Variants in SHANK2 observed in about 807,000 individuals in gnomAD.
SHANK2 encodes the protein SH3 and multiple ankyrin repeat domains protein 2.
In SHANK2, 43 loss-of-function variants were observed where a neutral mutation model predicts 133.7. That is an observed-to-expected ratio of 0.32 (90% confidence interval 0.25 to 0.41). SHANK2 has a LOEUF of 0.41. Ranked by LOEUF, SHANK2 falls within the 10% of genes least tolerant of loss-of-function variation. The pLI is 1.00. For synonymous variants in SHANK2, 1,017 were observed against 952.8 expected, an observed-to-expected ratio of 1.07 and a Z score of -1.24; for missense variants, 1,994 against 2,235.8, an observed-to-expected ratio of 0.89 and a Z score of 2.18.
chr11:70,509,196 A>G (rs1554968890), intron 17 of SHANK2, among the ~76,000 whole-genome samples: 1 of 152,104 alleles, frequency 6.6e-6, no homozygotes, highest in African/African-American at 2.4e-5. Flanking sequence ...CACCCTGAGG[A>G]CTGTTCTATT....
rs1033104893 is a variant in SHANK2 at position 70,821,055 on chromosome 11, G to A, written c.1175-373C>T. Among the ~76,000 whole-genome samples, 5 of 152,146 alleles carry A rather than the reference G, an allele frequency of 3.3e-5. No individual in the cohort carries two copies. In the East Asian group the frequency reaches 7.7e-4, roughly 24 times the overall value. On this transcript the variant is annotated intron_variant, in intron 11 of 25. Transcript: ENST00000601538. ...CAGAGAGGGCACTGAGCTGCCTGCCGCAAGATGCCTCCTCCCCACAACCTA... is the reference window on the plus strand; with the variant it reads ...CAGAGAGGGCACTGAGCTGCCTGCCACAAGATGCCTCCTCCCCACAACCTA...
chr11:70,846,727 C>T (rs541434777), intron 11 of SHANK2, among the ~76,000 whole-genome samples: 20 of 152,288 alleles, frequency 1.3e-4, no homozygotes, highest in Admixed American at 3.3e-4. Context: ...CACCTGCTCC[C>T]GGCCACACAG....
At chr11:71,130,032 G>T (rs559632029) in intron 3 of SHANK2, among the ~76,000 whole-genome samples, 1 of 152,248 alleles carries the variant, frequency 6.6e-6, no homozygotes, top group South Asian at 2.1e-4. Flanking sequence ...GTGTGTCTGC[G>T]TCCTCACCTC....
At chr11:70,844,719 C>T (rs1186617921) in intron 11 of SHANK2, among the ~76,000 whole-genome samples, 7 of 152,192 alleles carry the variant, frequency 4.6e-5, no homozygotes, top group Admixed American at 2.0e-4. Context: ...ATCAATAACA[C>T]GGCGGAGAAC....
intron 2 of SHANK2, among the ~76,000 whole-genome samples, chr11:71,192,210 C>A (rs1433610045): frequency 6.6e-6 from 1 of 152,170 alleles, no homozygotes; most frequent in African/African-American, 2.4e-5. Context: ...TAGGGTCCAT[C>A]CATATGACCC....
Position 70,716,854 on chromosome 11 carries a change from C to T in SHANK2, c.1778-18091G>A, listed in dbSNP as rs571646323. On this transcript the variant is annotated intron_variant, in intron 14 of 25. Transcript: ENST00000601538. ...AGCAACATCTGGGAGGGATGCTCCT[C>T]GGTGGCAGGCGCCTCACATCTCACT... Among the ~76,000 whole-genome samples, 16 of 151,936 alleles carry T rather than the reference C, an allele frequency of 1.1e-4. No individual in the cohort carries two copies. The South Asian group carries it at 2.9e-3, about 28-fold the overall frequency.
chr11:70,596,350 C>T (rs2060400225), intron 17 of SHANK2, among the ~76,000 whole-genome samples: 1 of 152,208 alleles, frequency 6.6e-6, no homozygotes, highest in South Asian at 2.1e-4. Flanking sequence ...GGCACCAGTT[C>T]CGGAAGGAGC....
chr11:70,907,713 A>C (rs928025700), intron 10 of SHANK2: 2 of 270,780 alleles, frequency 7.4e-6, no homozygotes, highest in Non-Finnish European at 1.5e-5. Context: ...AGCAGGGGAA[A>C]TCTACATAAT....
intron 6 of SHANK2, among the ~76,000 whole-genome samples, chr11:71,095,556 A>C (rs1259959654): frequency 4.6e-5 from 7 of 152,152 alleles, no homozygotes; most frequent in Non-Finnish European, 8.8e-5. Context: ...CCAACAATGA[A>C]TATTCACTCG....
At chr11:71,070,585 T>C (rs1423141667) in intron 9 of SHANK2, among the ~76,000 whole-genome samples, 1 of 151,234 alleles carries the variant, frequency 6.6e-6, no homozygotes, top group Non-Finnish European at 1.5e-5. Context: ...GGGGGATCCA[T>C]CAATAAGACA....
At chr11:70,856,382 A>G (rs1555066815) in intron 11 of SHANK2, among the ~76,000 whole-genome samples, 1 of 151,996 alleles carries the variant, frequency 6.6e-6, no homozygotes, top group Non-Finnish European at 1.5e-5. Context: ...AATTGACTGG[A>G]GGAAGGAATA....
chr11:71,217,781 T>C (rs555850339), intron 2 of SHANK2, among the ~76,000 whole-genome samples: 5 of 152,354 alleles, frequency 3.3e-5, no homozygotes, highest in South Asian at 2.1e-4. Context: ...TAAGGATATA[T>C]GGAAACAAAA....
At chr11:71,166,480 TTCTTTTC>T (rs1555110875) in intron 2 of SHANK2, among the ~76,000 whole-genome samples, 1 of 148,464 alleles carries the variant, frequency 6.7e-6, no homozygotes, top group East Asian at 1.9e-4. Context: ...CGTCTTTTTT[TTCTTTTC>T]TTTTTTTTTT....
chr11:70,823,027 C>CAG (rs202217119), intron 11 of SHANK2, among the ~76,000 whole-genome samples: 6 of 94,000 alleles, frequency 6.4e-5, no homozygotes, highest in Admixed American at 1.2e-4. Context: ...TCATGGGGGA[C>CAG]AGGTGGCGTT....
chr11:70,855,322 C>T (rs182556441), intron 11 of SHANK2, among the ~76,000 whole-genome samples: 3 of 152,338 alleles, frequency 2.0e-5, no homozygotes, highest in East Asian at 3.9e-4. Context: ...GGAAGCTTCC[C>T]ATATCTAGAA....
intron 17 of SHANK2, among the ~76,000 whole-genome samples, chr11:70,583,254 T>G (rs1263789280): frequency 6.6e-6 from 1 of 152,092 alleles, no homozygotes; most frequent in Non-Finnish European, 1.5e-5. Context: ...TGTCCCCAAC[T>G]GATGCAAGAG....
rs569522922 is a variant in SHANK2, at chr11:71,194,975, TA to T, written c.-13+29721del. Among the ~76,000 whole-genome samples the T allele has an allele frequency of 1.6e-4, 25 of 152,344 alleles. No homozygotes were observed. The East Asian group carries it at 4.8e-3, about 29-fold the overall frequency. On this transcript the variant is annotated intron_variant, in intron 2 of 25. Transcript: ENST00000601538. ...GTGGGTTAATGGTTTACAATCCCAA[TA>T]AGGCTTAAACCTGAGAACAGACATG...
chr11:71,104,217 T>C (rs1409299811), intron 6 of SHANK2, among the ~76,000 whole-genome samples: 1 of 152,130 alleles, frequency 6.6e-6, no homozygotes, highest in Non-Finnish European at 1.5e-5. Flanking sequence ...GACAAGAGGA[T>C]GGAAGCTGAG....
chr11:70,595,821 C>T (rs1020245629), intron 17 of SHANK2, among the ~76,000 whole-genome samples: 1 of 152,234 alleles, frequency 6.6e-6, no homozygotes, highest in Non-Finnish European at 1.5e-5. Context: ...TCTCAAACTG[C>T]GGATTGTGGC....
Sources: gnomAD v4.1 joint callset for allele counts (sites outside exome capture counted in the v4.1 genomes callset) on GRCh38, gnomAD v4.1.1 for gene constraint, MANE v1.5 for transcripts, NCBI Gene and HGNC (gene_info 2026-07-23, HGNC 2026-07-21) for gene names.